The following ANO10 variants were observed in gnomAD, a reference collection of about 807,000 sequenced individuals.
ANO10 encodes anoctamin 10.
ANO10 carries 77 observed loss-of-function variants against 74.7 expected under a neutral mutation model. The ratio of observed to expected loss-of-function variants is 1.03; its 90% CI spans 0.86 to 1.25. The LOEUF (loss-of-function observed/expected upper bound fraction) is 1.25. Among genes scored for constraint, ANO10 ranks in the 50% most tolerant of loss-of-function variants. The pLI is 0.00. For synonymous variants in ANO10, 279 were observed against 284.9 expected (o/e 0.98, Z 0.21); for missense variants, 721 against 778.1 (o/e 0.93, Z 0.87).
Position 43,605,711 on chromosome 3 carries a change from C to A in ANO10, c.139+3G>T. ...AAGTCTGAGCAGTGACTATTTTACT[C>A]ACCTCCATCTTTTTTTTTAGCTATA... is the stretch of plus-strand genomic sequence containing the variant. On this transcript the variant is annotated splice_donor_region_variant and intron_variant, in intron 2 of 12. Transcript: ENST00000292246. The A allele has an allele frequency of 1.2e-6, 2 of 1,613,230 alleles. No homozygotes were observed. The highest frequency in any genetic ancestry group is 2.2e-5 in the South Asian group (2 of 91,032).
chr3:43,485,368 C>T (rs977192438), intron 11 of ANO10: 3 of 457,942 alleles, frequency 6.6e-6, no homozygotes, highest in South Asian at 2.1e-5. Context: ...CGCCCATTGC[C>T]GCTCCTGATC....
intron 11 of ANO10, among the ~76,000 whole-genome samples, chr3:43,530,874 ATGTGTG>A (rs140115664): frequency 6.6e-6 from 1 of 150,830 alleles, no homozygotes; most frequent in Non-Finnish European, 1.5e-5. Context: ...GCTGGGACTA[ATGTGTG>A]TGTGTGTGTG....
rs560538102 is a variant in ANO10, at chr3:43,670,926, C to A, written c.-12+20591G>T. The stretch of plus-strand genomic sequence containing the variant: ...TGTGGTGAGACAGCATTTATCAACC[C>A]ACCACCAACTCATGGGATAGTCACT... On this transcript the variant is annotated intron_variant, in intron 1 of 3. Transcript: ENST00000413397. Among the ~76,000 whole-genome samples the A allele has an allele frequency of 9.2e-5, 14 of 152,274 alleles. No homozygotes were observed. The South Asian group carries it at 2.9e-3, about 32-fold the overall frequency.
intron 11 of ANO10, among the ~76,000 whole-genome samples, chr3:43,488,232 G>T (rs1019134098): frequency 2.0e-5 from 3 of 151,118 alleles, no homozygotes; most frequent in Non-Finnish European, 4.4e-5. Flanking sequence ...GAAAACCTAG[G>T]CATTACCATT....
intron 9 of ANO10, among the ~76,000 whole-genome samples, chr3:43,557,400 T>C (rs1025937107): frequency 3.9e-5 from 6 of 152,194 alleles, no homozygotes; most frequent in Admixed American, 3.9e-4. Context: ...TTTTTTGGTC[T>C]TAAGGAGCCC....
chr3:43,605,718 ATCTTTT>A lies in ANO10; in HGVS notation c.129_134del (p.Lys43_Asp45delinsAsn). 1.9e-6 allele frequency: 3 copies of A among 1,613,358 alleles called. No homozygotes were observed. Among genetic ancestry groups the A allele is most frequent in the Non-Finnish European group, 2.5e-6 (3 of 1,179,490 alleles). The stretch of plus-strand genomic sequence containing the variant: ...AGCAGTGACTATTTTACTCACCTCC[ATCTTTT>A]TTTTTAGCTATAATTCTGTTTTTCA... On this transcript the variant is annotated inframe_deletion, in exon 2 of 13. Transcript: ENST00000292246.
At chr3:43,632,702 G>T (rs1356482278) in intron 1 of ANO10, among the ~76,000 whole-genome samples, 1 of 152,178 alleles carries the variant, frequency 6.6e-6, no homozygotes, top group Non-Finnish European at 1.5e-5. Context: ...GCATCTCCAT[G>T]CAGCACTACA....
chr3:43,630,597 A>C (rs2083535976), intron 1 of ANO10, among the ~76,000 whole-genome samples: 1 of 152,166 alleles, frequency 6.6e-6, no homozygotes, highest in Non-Finnish European at 1.5e-5. Flanking sequence ...ATGCACCCAG[A>C]TGCCCCTGCT....
chr3:43,367,044 G>C, intron 12 of ANO10, 70 bp from the exon 13 acceptor site: 5 of 1,453,598 alleles, frequency 3.4e-6, no homozygotes, highest in Non-Finnish European at 4.7e-6. Flanking sequence ...TCTGCTCTCT[G>C]TGGAAGCCTG....
chr3:43,501,251 T>C (rs1310588663), intron 11 of ANO10, among the ~76,000 whole-genome samples: 1 of 151,200 alleles, frequency 6.6e-6, no homozygotes, highest in East Asian at 1.9e-4. Flanking sequence ...GGAGGGGAGG[T>C]ACCAGGCTCT....
intron 4 of ANO10, among the ~76,000 whole-genome samples, chr3:43,591,727 C>T (rs1392081965): frequency 6.6e-6 from 1 of 152,234 alleles, no homozygotes; most frequent in Non-Finnish European, 1.5e-5. Context: ...AGGTTCATCT[C>T]ACTGGGGCTC....
At chr3:43,453,179 CT>C (rs36070589) in intron 11 of ANO10, among the ~76,000 whole-genome samples, 52,064 of 129,852 alleles carry the variant, frequency 0.4, 10,168 homozygotes, top group East Asian at 0.72. Flanking sequence ...TCTTTTCCCC[CT>C]TTTTTTTTTT....
At chr3:43,514,448 T>A (rs1361353841) in intron 11 of ANO10, among the ~76,000 whole-genome samples, 1 of 151,940 alleles carries the variant, frequency 6.6e-6, no homozygotes, top group Non-Finnish European at 1.5e-5. Context: ...AACAATTATA[T>A]ACCAAATGAC....
At chr3:43,601,487 C>T (rs887252234) in intron 2 of ANO10, among the ~76,000 whole-genome samples, 4 of 152,200 alleles carry the variant, frequency 2.6e-5, no homozygotes, top group South Asian at 2.1e-4. Context: ...TGAGCCACAG[C>T]GCCCGGCCTC....
At chr3:43,498,183 G>A (rs1307721397) in intron 11 of ANO10, among the ~76,000 whole-genome samples, 3 of 152,212 alleles carry the variant, frequency 2.0e-5, no homozygotes, top group Admixed American at 6.5e-5. Flanking sequence ...TGTGCAGCAG[G>A]ATAAGACTTG....
At chr3:43,566,495 G>C (rs904342691) in intron 7 of ANO10, among the ~76,000 whole-genome samples, 3 of 152,214 alleles carry the variant, frequency 2.0e-5, no homozygotes, top group African/African-American at 4.8e-5. Flanking sequence ...ATATGAGAAT[G>C]GGCAGACTGC....
chr3:43,524,806 C>A (rs991084898), intron 11 of ANO10, among the ~76,000 whole-genome samples: 3 of 152,146 alleles, frequency 2.0e-5, no homozygotes, highest in Non-Finnish European at 4.4e-5. Context: ...TACAGTCACT[C>A]ATGATATTTC....
chr3:43,409,583 AG>A (rs2092632049), intron 12 of ANO10, among the ~76,000 whole-genome samples: 2 of 152,114 alleles, frequency 1.3e-5, no homozygotes, highest in South Asian at 4.1e-4. Flanking sequence ...AACAAAAGGA[AG>A]CACTATTCTT....
At chr3:43,633,061 T>C (rs2083565912) in intron 1 of ANO10, among the ~76,000 whole-genome samples, 1 of 152,204 alleles carries the variant, frequency 6.6e-6, no homozygotes, top group Non-Finnish European at 1.5e-5. Context: ...AAAAGAACTT[T>C]ACATTTTTGC....
Sources: gnomAD v4.1 joint callset for allele counts (sites outside exome capture counted in the v4.1 genomes callset) on GRCh38, gnomAD v4.1.1 for gene constraint, MANE v1.5 for transcripts, NCBI Gene and HGNC (gene_info 2026-07-23, HGNC 2026-07-21) for gene names.